CSMD1: variants seen among roughly 807,000 people sequenced by gnomAD.
CSMD1 encodes CUB and Sushi multiple domains 1.
Under a neutral mutation model 417.5 loss-of-function variants are expected in CSMD1, and 213 were observed. The ratio of observed to expected loss-of-function variants is 0.51; its 90% CI spans 0.46 to 0.57. CSMD1 has a LOEUF of 0.57. CSMD1 is among the 20% of genes least tolerant of loss of function. CSMD1 has a pLI of 0.00. For synonymous variants in CSMD1, 2,862 were observed against 1,736.8 expected (o/e 1.65, Z -16.11); for missense variants, 6,923 against 4,529.7 (o/e 1.53, Z -15.17).
chr8:3,493,875 G>T (rs949765148), intron 10 of CSMD1, 149 bp from the exon 11 acceptor site: 3 of 555,370 alleles, frequency 5.4e-6, no homozygotes, highest in Non-Finnish European at 3.2e-6. Context: ...TAGTTACATG[G>T]ATAATTATAT....
intron 10 of CSMD1, among the ~76,000 whole-genome samples, chr8:3,541,940 C>T (rs938217527): frequency 1.3e-5 from 2 of 151,986 alleles, no homozygotes; most frequent in Non-Finnish European, 2.9e-5. Context: ...CTTGTACACC[C>T]AGGAGGTGGA....
chr8:3,922,239 A>G (rs947105090), intron 5 of CSMD1, among the ~76,000 whole-genome samples: 1 of 151,950 alleles, frequency 6.6e-6, no homozygotes, highest in African/African-American at 2.4e-5. Context: ...ATCCTTTTCT[A>G]TCTCTTTACT....
At chr8:3,122,382 T>C (rs1359626356) in intron 41 of CSMD1, among the ~76,000 whole-genome samples, 1 of 152,154 alleles carries the variant, frequency 6.6e-6, no homozygotes, top group African/African-American at 2.4e-5. Context: ...CTACAAAGAT[T>C]TACTATAGAT....
rs903806500 is a variant in CSMD1, at chr8:3,616,560, G to C, written c.1097+150C>G. On this transcript the variant is annotated intron_variant, in intron 8 of 69. Transcript: ENST00000635120. ...ATAAACAAAAAACAAAATCTCTGAA[G>C]ACAAATTGTGATTACACACATTTAG... 5.0e-6 allele frequency: 3 copies of C among 599,634 alleles called. No individual in the cohort carries two copies. In the South Asian group the frequency reaches 6.4e-5, roughly 13 times the overall value. 37.1% of individuals were successfully genotyped at this position (599,634 alleles called of 1,614,324 possible).
At chr8:4,241,309 C>G (rs17334548) in intron 3 of CSMD1, among the ~76,000 whole-genome samples, 54,783 of 152,110 alleles carry the variant, frequency 0.36, 12,016 homozygotes, top group Non-Finnish European at 0.49. Context: ...CTGTAACCCC[C>G]TGGAACATAT....
chr8:3,679,145 G>C (rs1262490569), intron 7 of CSMD1, among the ~76,000 whole-genome samples: 1 of 152,048 alleles, frequency 6.6e-6, no homozygotes, highest in Non-Finnish European at 1.5e-5. Context: ...ACAATAACCA[G>C]CTAACATCAT....
chr8:4,570,145 G>A (rs777278801), intron 2 of CSMD1, among the ~76,000 whole-genome samples: 6 of 152,108 alleles, frequency 3.9e-5, no homozygotes, highest in South Asian at 4.1e-4. Flanking sequence ...TCTCTTGCCT[G>A]ATTGCCCTGG....
At chr8:3,663,227 G>C (rs1264812201) in intron 7 of CSMD1, among the ~76,000 whole-genome samples, 1 of 152,158 alleles carries the variant, frequency 6.6e-6, no homozygotes, top group African/African-American at 2.4e-5. Context: ...TTTAAACAAA[G>C]AGTTGAAGAG....
At chr8:4,820,337 TA>T (rs1468341091) in intron 1 of CSMD1, among the ~76,000 whole-genome samples, 1 of 152,188 alleles carries the variant, frequency 6.6e-6, no homozygotes, top group Non-Finnish European at 1.5e-5. Context: ...AGAAGCATTA[TA>T]AAAAGGTAAG....
chr8:3,280,126 C>G (rs1228291129), intron 26 of CSMD1, among the ~76,000 whole-genome samples: 1 of 152,102 alleles, frequency 6.6e-6, no homozygotes, highest in African/African-American at 2.4e-5. Flanking sequence ...GCCCTCCTGC[C>G]CCATCTCTTC....
intron 46 of CSMD1, among the ~76,000 whole-genome samples, chr8:3,104,344 T>A (rs1477436932): frequency 1.3e-5 from 2 of 152,172 alleles, no homozygotes; most frequent in African/African-American, 4.8e-5. Context: ...GACTTGGATC[T>A]CCTGACTTTG....
intron 29 of CSMD1, among the ~76,000 whole-genome samples, chr8:3,218,574 A>AAG (rs1439795675): frequency 2.6e-4 from 39 of 151,024 alleles, no homozygotes; most frequent in Admixed American, 2.6e-3. Flanking sequence ...AATAAAAAAA[A>AAG]AAAGAAATTA....
intron 1 of CSMD1, among the ~76,000 whole-genome samples, chr8:4,641,914 C>T (rs1803218249): frequency 6.6e-6 from 1 of 152,110 alleles, no homozygotes; most frequent in African/African-American, 2.4e-5. Flanking sequence ...GTCTTATTAC[C>T]AAAGATAATT....
chr8:3,725,170 C>A (rs772641559), intron 6 of CSMD1, among the ~76,000 whole-genome samples: 1 of 152,006 alleles, frequency 6.6e-6, no homozygotes, highest in Non-Finnish European at 1.5e-5. Context: ...GGGAGCTGTG[C>A]CCTGAAGGCA....
intron 5 of CSMD1, among the ~76,000 whole-genome samples, chr8:3,926,774 G>C (rs1322630706): frequency 7.5e-6 from 1 of 133,970 alleles, no homozygotes; most frequent in East Asian, 2.2e-4. Flanking sequence ...GGAATGCAGT[G>C]TCGTGATCTC....
chr8:3,296,904 G>C (rs906163385), intron 25 of CSMD1, among the ~76,000 whole-genome samples: 14 of 152,186 alleles, frequency 9.2e-5, no homozygotes, highest in African/African-American at 2.9e-4. Context: ...GTAGGTAGCT[G>C]TTCACGTAAG....
At chr8:3,180,667 G>C (rs1013863685) in intron 37 of CSMD1, among the ~76,000 whole-genome samples, 1 of 151,878 alleles carries the variant, frequency 6.6e-6, no homozygotes, top group Non-Finnish European at 1.5e-5. Flanking sequence ...ACGGCATCTC[G>C]CTCTGTCACC....
chr8:4,458,551 C>G (rs531741704), intron 2 of CSMD1, among the ~76,000 whole-genome samples: 3 of 152,030 alleles, frequency 2.0e-5, no homozygotes, highest in Non-Finnish European at 4.4e-5. Flanking sequence ...TTAATGTTAA[C>G]TGTTACTCTT....
chr8:4,440,495 T>C (rs962216171), intron 2 of CSMD1, among the ~76,000 whole-genome samples: 2 of 152,172 alleles, frequency 1.3e-5, no homozygotes, highest in Non-Finnish European at 2.9e-5. Flanking sequence ...TGTTCTCATT[T>C]CCCTCTATAA....
Sources: gnomAD v4.1 joint callset for allele counts (sites outside exome capture counted in the v4.1 genomes callset) on GRCh38, gnomAD v4.1.1 for gene constraint, MANE v1.5 for transcripts, NCBI Gene and HGNC (gene_info 2026-07-23, HGNC 2026-07-21) for gene names.